RABGAP1L: variants seen among roughly 807,000 people sequenced by gnomAD.
RABGAP1L encodes the protein rab GTPase-activating protein 1-like.
RABGAP1L carries 63 observed loss-of-function variants against 137.7 expected under a neutral mutation model. The observed-to-expected ratio is 0.46, with a 90% confidence interval of 0.37 to 0.56. RABGAP1L has a LOEUF of 0.56. Among genes scored for constraint, RABGAP1L ranks in the 20% least tolerant of loss-of-function variants. RABGAP1L has a pLI of 0.00. For synonymous variants in RABGAP1L, 431 were observed against 433.7 expected (o/e 0.99, Z 0.08); for missense variants, 1,095 against 1,244.0 (o/e 0.88, Z 1.80).
At chr1:174,221,486 T>A (rs932663231) in intron 3 of RABGAP1L, among the ~76,000 whole-genome samples, 3 of 152,338 alleles carry the variant, frequency 2.0e-5, no homozygotes, top group African/African-American at 7.2e-5. Context: ...GTCTTTCATG[T>A]GATGTGCCTT....
intron 13 of RABGAP1L, among the ~76,000 whole-genome samples, chr1:174,460,038 C>T (rs1038054715): frequency 5.3e-5 from 8 of 151,978 alleles, no homozygotes; most frequent in African/African-American, 1.9e-4. Context: ...AAGAAAAGAC[C>T]TCAGGGATTT....
chr1:174,901,861 G>T (rs2149161303), intron 19 of RABGAP1L, among the ~76,000 whole-genome samples: 1 of 152,206 alleles, frequency 6.6e-6, no homozygotes, highest in Non-Finnish European at 1.5e-5. Flanking sequence ...AGGTTTTTGT[G>T]GGGTCTTTTT....
At chr1:174,948,531 A>C (rs199547971) in intron 19 of RABGAP1L, among the ~76,000 whole-genome samples, 9,962 of 147,548 alleles carry the variant, frequency 0.068, 510 homozygotes, top group East Asian at 0.3. Flanking sequence ...AAAAAAAAAA[A>C]AGGAGTGTAA....
At chr1:174,586,849 G>GC (rs1041194892) in intron 13 of RABGAP1L, among the ~76,000 whole-genome samples, 3 of 152,046 alleles carry the variant, frequency 2.0e-5, no homozygotes, top group African/African-American at 7.2e-5. Context: ...ATCTGCTTTG[G>GC]CCCCCCAAAG....
At chr1:174,731,421 G>A (rs1000773155) in intron 17 of RABGAP1L, among the ~76,000 whole-genome samples, 1 of 152,146 alleles carries the variant, frequency 6.6e-6, no homozygotes, top group Non-Finnish European at 1.5e-5. Context: ...TTCTAGAAAA[G>A]GAACTTACCC....
intron 13 of RABGAP1L, among the ~76,000 whole-genome samples, chr1:174,636,727 C>G (rs550333376): frequency 5.3e-4 from 80 of 152,152 alleles, no homozygotes; most frequent in Non-Finnish European, 1.1e-3. Context: ...AATACATACT[C>G]TACTATTGTT....
At chr1:174,583,765 G>A (rs984038898) in intron 13 of RABGAP1L, among the ~76,000 whole-genome samples, 1 of 152,160 alleles carries the variant, frequency 6.6e-6, no homozygotes, top group African/African-American at 2.4e-5. Flanking sequence ...TTGCCCTTGT[G>A]CTGTAGAGAA....
chr1:174,462,045 T>A (rs1322162841), intron 13 of RABGAP1L, among the ~76,000 whole-genome samples: 1 of 152,186 alleles, frequency 6.6e-6, no homozygotes, highest in Non-Finnish European at 1.5e-5. Context: ...GTAAAAGCAT[T>A]GTTTCTGTCC....
rs746392265 is a variant in RABGAP1L at position 174,278,778 on chromosome 1, A to G, written c.1322A>G (p.Gln441Arg). 6.5e-7 allele frequency: 1 copy of G among 1,534,284 alleles called. No individual in the cohort carries two copies. The highest frequency in any genetic ancestry group is 1.3e-5 in the South Asian group (1 of 77,442). ...FTETFFMRLK[Q>R]SEGKGHTNAG... ...GAGACTTTCTTCATGAGATTGAAACAGGTAGGACCTTTTTGTTCTCTTCAT... is the reference window on the plus strand; with the variant it reads ...GAGACTTTCTTCATGAGATTGAAACGGGTAGGACCTTTTTGTTCTCTTCAT... The change falls in exon 10 of 26, where the codon CAG (glutamine) becomes CGG (arginine). Residue 441 changes from glutamine (Q) to arginine (R), a missense_variant and splice_region_variant. Gln to Arg is a conservative substitution (Grantham distance 43). This residue lies in a region of RABGAP1L where 315 missense variants were observed against 324.8 expected (regional missense o/e 0.97). Coordinates refer to ENST00000681986, the MANE Select transcript of RABGAP1L (RefSeq NM_001366446.1).
chr1:174,331,444 C>A (rs979694433), intron 11 of RABGAP1L, among the ~76,000 whole-genome samples: 7 of 152,098 alleles, frequency 4.6e-5, no homozygotes, highest in Non-Finnish European at 2.9e-5. Context: ...TAGCAAAAAA[C>A]CCCAAATAGT....
chr1:174,538,704 A>C (rs1254191227), intron 13 of RABGAP1L, among the ~76,000 whole-genome samples: 7 of 152,184 alleles, frequency 4.6e-5, no homozygotes, highest in Non-Finnish European at 8.8e-5. Context: ...TGGGAGACAA[A>C]TGGTCAAATA....
chr1:174,838,053 T>C (rs1692945489), intron 19 of RABGAP1L, among the ~76,000 whole-genome samples: 1 of 152,228 alleles, frequency 6.6e-6, no homozygotes. Flanking sequence ...GATATACCTC[T>C]TTCCAAAAAG....
chr1:174,866,978 C>G (rs915779025), intron 19 of RABGAP1L, among the ~76,000 whole-genome samples: 1 of 151,666 alleles, frequency 6.6e-6, no homozygotes, highest in African/African-American at 2.4e-5. Context: ...GTCCCAATTA[C>G]TGTGGAAACT....
At chr1:174,498,560 G>A (rs1460569962) in intron 13 of RABGAP1L, among the ~76,000 whole-genome samples, 3 of 151,740 alleles carry the variant, frequency 2.0e-5, no homozygotes, top group Admixed American at 6.6e-5. Flanking sequence ...AGTGGTATGC[G>A]ATCTCGGCTC....
chr1:174,971,787 C>T (rs546597864), intron 21 of RABGAP1L, among the ~76,000 whole-genome samples: 11 of 152,322 alleles, frequency 7.2e-5, no homozygotes, highest in African/African-American at 2.6e-4. Flanking sequence ...CTAGTTTGCC[C>T]AGTACTTTCC....
intron 18 of RABGAP1L, among the ~76,000 whole-genome samples, chr1:174,808,006 T>G (rs1573297459): frequency 7.2e-6 from 1 of 138,574 alleles, no homozygotes; most frequent in African/African-American, 2.8e-5. Flanking sequence ...TGAGATGGAG[T>G]CTCACTGTAT....
rs192300220 is a variant in RABGAP1L, at chr1:174,651,319, G to T, written c.1824+13831G>T. ...AAAAGAATGTATATTCTGTTGATTT[G>T]GGGTGAAGAGTTCTGTTGATGTCTA... On this transcript the variant is annotated intron_variant, in intron 14 of 25. Transcript: ENST00000681986. Among the ~76,000 whole-genome samples, 763 of 152,314 alleles carry T rather than the reference G, an allele frequency of 5.0e-3. 6 individuals carry two copies. Among genetic ancestry groups the T allele is most frequent in the African/African-American group, 0.016 (658 of 41,554 alleles).
intron 19 of RABGAP1L, among the ~76,000 whole-genome samples, chr1:174,904,743 G>T (rs564557081): frequency 6.6e-6 from 1 of 152,144 alleles, no homozygotes; most frequent in East Asian, 1.9e-4. Flanking sequence ...TCAACTCCCT[G>T]GGTTCAAGCA....
At chr1:174,679,430 C>A (rs1203313455) in intron 14 of RABGAP1L, among the ~76,000 whole-genome samples, 1 of 152,184 alleles carries the variant, frequency 6.6e-6, no homozygotes, top group Non-Finnish European at 1.5e-5. Context: ...AACTTCTAAA[C>A]CTAATGAAGG....
Sources: allele counts gnomAD v4.1 joint callset (sites outside exome capture counted in the v4.1 genomes callset), GRCh38; gene constraint gnomAD v4.1.1; regional missense constraint gnomAD v4.1.1; transcripts MANE v1.5; gene names NCBI Gene and HGNC (gene_info 2026-07-23, HGNC 2026-07-21).